GFRA1: variants seen among roughly 807,000 people sequenced by gnomAD.
GFRA1 encodes the protein GDNF family receptor alpha-1.
GFRA1 carries 16 observed loss-of-function variants against 51.6 expected under a neutral mutation model. The observed-to-expected ratio is 0.31, with a 90% CI of 0.21 to 0.47. GFRA1 has a LOEUF of 0.47. GFRA1 is among the 20% of genes least tolerant of loss of function. GFRA1 has a pLI of 1.00. For synonymous variants in GFRA1, 270 were observed against 241.3 expected, an observed-to-expected ratio of 1.12 and a Z score of -1.10; for missense variants, 530 against 594.3, an observed-to-expected ratio of 0.89 and a Z score of 1.13.
intron 9 of GFRA1, among the ~76,000 whole-genome samples, chr10:116,086,106 T>C (rs543599907): frequency 1.3e-5 from 2 of 152,320 alleles, no homozygotes; most frequent in East Asian, 3.9e-4. Context: ...TCTCCCTGGC[T>C]CAGTTGCTCC....
intron 4 of GFRA1, among the ~76,000 whole-genome samples, chr10:116,215,246 A>T (rs1384169347): frequency 6.6e-6 from 1 of 152,182 alleles, no homozygotes; most frequent in Non-Finnish European, 1.5e-5. Context: ...GACAAACGGG[A>T]AATAAAGGAG....
chr10:116,152,837 T>G (rs1959116063), intron 5 of GFRA1, among the ~76,000 whole-genome samples: 1 of 152,258 alleles, frequency 6.6e-6, no homozygotes, highest in Non-Finnish European at 1.5e-5. Flanking sequence ...TTGGGTTTCT[T>G]TTAGTATCTG....
rs149279406 is a variant in GFRA1, at chr10:116,063,562, C to A, written c.*836G>T. 3.2e-4 allele frequency: 48 copies of A among 152,194 alleles called. No individual in the cohort carries two copies. Among genetic ancestry groups the A allele is most frequent in the African/African-American group, 1.0e-3 (43 of 41,522 alleles). 9.4% of individuals were successfully genotyped at this position (152,194 alleles called of 1,614,324 possible). On this transcript the variant is annotated 3_prime_UTR_variant, in exon 11 of 11. Transcript: ENST00000355422. ...AATCATTTAGTAGTAAAATTTTTTTCTACATATAACCTCATATGTGTAAAG... is the reference window on the plus strand; with the variant it reads ...AATCATTTAGTAGTAAAATTTTTTTATACATATAACCTCATATGTGTAAAG...
At chr10:116,265,528 A>G (rs982190663) in intron 4 of GFRA1, among the ~76,000 whole-genome samples, 3 of 152,132 alleles carry the variant, frequency 2.0e-5, no homozygotes, top group African/African-American at 7.2e-5. Context: ...TCCCACTCCA[A>G]GAGTCCAAAA....
intron 2 of GFRA1, among the ~76,000 whole-genome samples, chr10:116,271,702 C>T (rs1179391710): frequency 6.6e-6 from 1 of 152,216 alleles, no homozygotes; most frequent in African/African-American, 2.4e-5. Flanking sequence ...CAGAGACTCT[C>T]TGGGGGTGCA....
intron 5 of GFRA1, among the ~76,000 whole-genome samples, chr10:116,155,414 G>A (rs1365769910): frequency 6.6e-6 from 1 of 152,026 alleles, no homozygotes; most frequent in Non-Finnish European, 1.5e-5. Context: ...TTCCTCATGG[G>A]GTGCTGACAG....
chr10:116,065,548 A>G (rs764791174), intron 10 of GFRA1, 25 bp downstream of exon 10: 1 of 1,592,632 alleles, frequency 6.3e-7, no homozygotes, highest in South Asian at 1.1e-5. Context: ...TAAATGCACG[A>G]AGCCTCCAAA....
chr10:116,117,983 C>T (rs1037865567), intron 6 of GFRA1, among the ~76,000 whole-genome samples: 4 of 152,136 alleles, frequency 2.6e-5, no homozygotes, highest in African/African-American at 9.7e-5. Context: ...CTCCACCACA[C>T]ACCTGGTGCT....
intron 7 of GFRA1, among the ~76,000 whole-genome samples, chr10:116,096,149 C>A (rs1028918787): frequency 2.0e-5 from 3 of 152,190 alleles, no homozygotes; most frequent in Non-Finnish European, 4.4e-5. Flanking sequence ...ACCCACTGCA[C>A]ACTGGGAGTT....
intron 5 of GFRA1, among the ~76,000 whole-genome samples, chr10:116,172,535 C>T (rs866248003): frequency 8.5e-5 from 13 of 152,206 alleles, no homozygotes; most frequent in Middle Eastern, 3.4e-3. Flanking sequence ...CAAGAGGAAA[C>T]GGCACTTGAG....
At chr10:116,269,418 A>G in intron 4 of GFRA1, 85 bp downstream of exon 4, 2 of 808,358 alleles carry the variant, frequency 2.5e-6, no homozygotes, top group Non-Finnish European at 4.5e-6. Flanking sequence ...CTATCTACTT[A>G]TATGCTCTTT....
At chr10:116,082,980 GGCTCTTT>G (rs1955918535) in intron 9 of GFRA1, among the ~76,000 whole-genome samples, 1 of 152,132 alleles carries the variant, frequency 6.6e-6, no homozygotes, top group African/African-American at 2.4e-5. Flanking sequence ...TGTTGTGCCT[GGCTCTTT>G]GCATACTTGC....
At chr10:116,247,927 T>TTA (rs1422882402) in intron 4 of GFRA1, among the ~76,000 whole-genome samples, 2 of 152,188 alleles carry the variant, frequency 1.3e-5, no homozygotes, top group African/African-American at 4.8e-5. Flanking sequence ...AATGAATCAC[T>TTA]TATGCCATGA....
intron 5 of GFRA1, among the ~76,000 whole-genome samples, chr10:116,196,499 TATATATA>T (rs1015344885): frequency 2.9e-5 from 4 of 138,676 alleles, no homozygotes; most frequent in Admixed American, 1.6e-4. Context: ...AAAAAATATA[TATATATA>T]ATATATATTT....
intron 9 of GFRA1, among the ~76,000 whole-genome samples, chr10:116,066,411 T>C (rs958206130): frequency 3.3e-5 from 5 of 152,132 alleles, no homozygotes; most frequent in African/African-American, 1.2e-4. Flanking sequence ...TCCCGAGCAG[T>C]TGCAAGGGGA....
At chr10:116,271,315 CG>C (rs1478520803) in intron 2 of GFRA1, among the ~76,000 whole-genome samples, 200 bp from the exon 3 acceptor site, 1 of 152,148 alleles carries the variant, frequency 6.6e-6, no homozygotes, top group African/African-American at 2.4e-5. Context: ...CTCCTCCTCC[CG>C]GGCCCGCAAG....
chr10:116,265,984 A>C (rs1231561862), intron 4 of GFRA1, among the ~76,000 whole-genome samples: 1 of 152,046 alleles, frequency 6.6e-6, no homozygotes, highest in Non-Finnish European at 1.5e-5. Context: ...TGACTTGGCT[A>C]CTTGGTTTCC....
intron 4 of GFRA1, among the ~76,000 whole-genome samples, chr10:116,228,353 C>G (rs1006684801): frequency 4.6e-5 from 7 of 152,122 alleles, no homozygotes; most frequent in Non-Finnish European, 8.8e-5. Flanking sequence ...AAGAAGACAG[C>G]CAGGATTGCT....
chr10:116,211,526 G>T, intron 5 of GFRA1, 105 bp downstream of exon 5: 1 of 1,051,424 alleles, frequency 9.5e-7, no homozygotes, highest in Non-Finnish European at 1.4e-6. Flanking sequence ...TAAATGACAT[G>T]TCCATAGAGA....
Sources: allele counts gnomAD v4.1 joint callset (sites outside exome capture counted in the v4.1 genomes callset), GRCh38; gene constraint gnomAD v4.1.1; transcripts MANE v1.5; gene names NCBI Gene and HGNC (gene_info 2026-07-23, HGNC 2026-07-21).